Variants in ZNF596 observed in about 807,000 individuals in gnomAD.
ZNF596 encodes the protein zinc finger protein 596.
Under a neutral mutation model 48.3 loss-of-function variants are expected in ZNF596, and 45 were observed. That is an observed-to-expected ratio of 0.93 (90% confidence interval 0.73 to 1.19). The LOEUF (loss-of-function observed/expected upper bound fraction) is 1.19. Ranked by LOEUF, ZNF596 falls within the 50% of genes most tolerant of loss-of-function variation. The pLI is 0.00. For missense variants in ZNF596, 848 were observed against 599.7 expected, an observed-to-expected ratio of 1.41 and a Z score of -4.32; for synonymous variants, 270 against 202.0, an observed-to-expected ratio of 1.34 and a Z score of -2.85.
At chr8:232,744 T>C (rs1584895801) in intron 1 of ZNF596, 50 bp downstream of exon 1, 4 of 412,406 alleles carry the variant, frequency 9.7e-6, no homozygotes, top group Admixed American at 6.0e-5. Context: ...CCCTCGCCCC[T>C]CTTGGCCCCT....
rs565508961 is a variant in ZNF596 at position 243,306 on chromosome 8, G to A, written c.139+293G>A. The A allele has an allele frequency of 2.7e-5, 8 of 295,378 alleles. No individual in the cohort carries two copies. The East Asian group carries it at 4.4e-4, about 16-fold the overall frequency. The allele number at this position is 295,378 out of a possible 1,614,324, so 18.3% of individuals were successfully genotyped here. ...AAAGTTATGGTAATTCACTGCTTTG[G>A]TATGCATAAATAAATGTATTGATTT... On this transcript the variant is annotated intron_variant, in intron 3 of 5. Coordinates refer to ENST00000398612, the MANE Select transcript of ZNF596 (RefSeq NM_001042416.3).
chr8:240,761 C>T (rs1341274396), intron 1 of ZNF596, 63 bp from the exon 2 acceptor site: 3 of 1,085,590 alleles, frequency 2.8e-6, no homozygotes, highest in African/African-American at 3.1e-5. Context: ...AGCTTTGGGG[C>T]AGATGTTAGA....
At chr8:239,195 G>A (rs944931081) in intron 1 of ZNF596, among the ~76,000 whole-genome samples, 13 of 152,018 alleles carry the variant, frequency 8.6e-5, no homozygotes, top group African/African-American at 2.2e-4. Context: ...ACTCCTCCCC[G>A]CCCCCACTGC....
rs776015632 is a variant in ZNF596, at chr8:243,033, T to C, written c.139+20T>C. 6.2e-7 allele frequency: 1 copy of C among 1,600,946 alleles called. No individual in the cohort carries two copies. The highest frequency in any genetic ancestry group is 8.5e-7 in the Non-Finnish European group (1 of 1,170,786). ...CTATTGGTGAGTCTCTTTATATTTA[T>C]TATGTATGTATATACGGATTCATTC... On this transcript the variant is annotated intron_variant, in intron 3 of 5. Coordinates refer to ENST00000398612, the MANE Select transcript of ZNF596 (RefSeq NM_001042416.3).
Position 244,309 on chromosome 8 carries a change from A to G in ZNF596, c.224-310A>G, listed in dbSNP as rs182043469. 1.7e-4 allele frequency: 52 copies of G among 309,810 alleles called. 2 individuals carry two copies. The Admixed American group carries it at 1.9e-3, about 11-fold the overall frequency. The allele number at this position is 309,810 out of a possible 1,614,324, so 19.2% of individuals were successfully genotyped here. On this transcript the variant is annotated intron_variant, in intron 4 of 5. Transcript: ENST00000398612. ...ATTTTTATTCAAGTATCTCTCTGTC[A>G]TTGTCTTTGTCTTTTGTAAAGGGGA... is the stretch of plus-strand genomic sequence containing the variant.
chr8:235,396 C>T (rs1796578504), intron 1 of ZNF596, among the ~76,000 whole-genome samples: 1 of 151,866 alleles, frequency 6.6e-6, no homozygotes, highest in Non-Finnish European at 1.5e-5. Context: ...TAGCAAGATG[C>T]AGCCCACAAA....
intron 1 of ZNF596, among the ~76,000 whole-genome samples, chr8:236,712 G>C (rs999161998): frequency 6.6e-6 from 1 of 151,876 alleles, no homozygotes; most frequent in African/African-American, 2.4e-5. Flanking sequence ...TTCTAGTATG[G>C]AATTATCCTT....
rs753138989 is a variant in ZNF596, at chr8:245,867, T to G, written c.1020T>G (p.Cys340Trp). Reference sequence around the variant, plus strand: ...AGAAACCATATGAATGTCATCTATGTGGAAAAGCCTTCTCTCATTGTTCTC... The same window carrying G: ...AGAAACCATATGAATGTCATCTATGGGGAAAAGCCTTCTCTCATTGTTCTC... ...NGEKPYECHL[C>W]GKAFSHCSHL... The change falls in exon 6 of 6, where the codon TGT becomes TGG. Residue 340 changes from cysteine (C) to tryptophan (W), a missense_variant. Cys to Trp is a radical substitution (Grantham distance 215, BLOSUM62 -2). Transcript: ENST00000398612. 1.9e-6 allele frequency: 3 copies of G among 1,614,006 alleles called. No individual in the cohort carries two copies. The highest frequency in any genetic ancestry group is 2.5e-6 in the Non-Finnish European group (3 of 1,179,984).
intron 1 of ZNF596, chr8:237,606 G>A (rs1796671556): frequency 6.6e-6 from 1 of 152,058 alleles, no homozygotes; most frequent in African/African-American, 2.4e-5. Context: ...TAAATATACA[G>A]TTCATATTTA....
At chr8:245,094 G>T in intron 5 of ZNF596, 60 bp from the exon 6 acceptor site, 1 of 1,500,944 alleles carries the variant, frequency 6.7e-7, no homozygotes. Flanking sequence ...AGAAATGAAT[G>T]AAGTAATGAA....
chr8:241,984 CA>C (rs1796870864), intron 2 of ZNF596, among the ~76,000 whole-genome samples: 1 of 152,176 alleles, frequency 6.6e-6, no homozygotes, highest in Non-Finnish European at 1.5e-5. Context: ...ATGAGAACAG[CA>C]AGGGGGAAGT....
chr8:245,416 C>G lies in ZNF596; in HGVS notation c.569C>G (p.Thr190Ser). The change falls in exon 6 of 6, where the codon ACT becomes AGT. Residue 190 changes from threonine (T) to serine (S), a missense_variant. By Grantham distance (58) the Thr-to-Ser change is moderately conservative. Transcript: ENST00000398612. Reference protein sequence around the residue: ...SALRPHSVTHTREITLECRVC... With the variant: ...SALRPHSVTHSREITLECRVC... ...CTTAGACCACACAGTGTGACTCACA[C>G]TAGAGAGATAACATTGGAATGTCGT... 2.5e-6 allele frequency: 4 copies of G among 1,614,170 alleles called. No individual in the cohort carries two copies. Among genetic ancestry groups the G allele is most frequent in the Non-Finnish European group, 3.4e-6 (4 of 1,180,016 alleles).
Position 244,400 on chromosome 8 carries a change from A to G in ZNF596, c.224-219A>G, listed in dbSNP as rs1796976339. 3 of 547,216 alleles carry G rather than the reference A, an allele frequency of 5.5e-6. No homozygotes were observed. The South Asian group carries it at 7.0e-5, about 13-fold the overall frequency. 33.9% of individuals were successfully genotyped at this position (547,216 alleles called of 1,614,324 possible). A position where few individuals can be genotyped will look rare whatever the true frequency, so the allele number is the denominator to read the frequency against. ...CCTTTATAATGGTCCTCTTCTTTGA[A>G]AATTTTTCTTTCCTTCCTCGACTTG... On this transcript the variant is annotated intron_variant, in intron 4 of 5. Coordinates refer to ENST00000398612, the MANE Select transcript of ZNF596 (RefSeq NM_001042416.3).
intron 5 of ZNF596, 132 bp from the exon 6 acceptor site, chr8:245,022 G>A: frequency 3.5e-6 from 4 of 1,130,316 alleles, no homozygotes; most frequent in Non-Finnish European, 4.9e-6. Context: ...TTGTATAACT[G>A]ATATAGGAAC....
Position 245,190 on chromosome 8 carries a change from G to T in ZNF596, c.343G>T (p.Asp115Tyr), listed in dbSNP as rs747920570. 1.2e-6 allele frequency: 2 copies of T among 1,606,934 alleles called. No individual in the cohort carries two copies. Among genetic ancestry groups the T allele is most frequent in the South Asian group, 2.2e-5 (2 of 90,092 alleles). ...HTQEDPFLCN[D>Y]LGEDFTQHIA... The stretch of plus-strand genomic sequence containing the variant: ...TCAAGAGGATCCTTTTCTATGCAAT[G>T]ACTTAGGAGAAGATTTCACTCAACA... Residue 115 changes from aspartate (D) to tyrosine (Y), a missense_variant, in exon 6 of 6, where the codon GAC becomes TAC. Transcript: ENST00000398612.
intron 1 of ZNF596, among the ~76,000 whole-genome samples, chr8:238,926 G>C (rs1796738402): frequency 6.6e-6 from 1 of 152,084 alleles, no homozygotes; most frequent in Non-Finnish European, 1.5e-5. Context: ...TCTGGAAAAG[G>C]ATACATGAAC....
intron 2 of ZNF596, among the ~76,000 whole-genome samples, chr8:241,917 CA>C (rs1796868794): frequency 6.6e-6 from 1 of 151,992 alleles, no homozygotes; most frequent in Non-Finnish European, 1.5e-5. Context: ...GGAGAGAGAC[CA>C]AATCAGGAAA....
chr8:245,480 G>A lies in ZNF596; in HGVS notation c.633G>A (p.Arg211=), dbSNP rs1797031308. Reference sequence around the variant, plus strand: ...CCTTTAGCAAAAATTCTAATCTTAGGCGACATGAGATGATTCACACTGGAG... The same window carrying A: ...CCTTTAGCAAAAATTCTAATCTTAGACGACATGAGATGATTCACACTGGAG... ...GKTFSKNSNL[R]RHEMIHTGEK... The change falls in exon 6 of 6, where the codon AGG becomes AGA. Residue 211 remains arginine, a synonymous_variant. Coordinates refer to ENST00000398612, the MANE Select transcript of ZNF596 (RefSeq NM_001042416.3). The A allele has an allele frequency of 6.2e-7, 1 of 1,614,020 alleles. No homozygotes were observed. Among genetic ancestry groups the A allele is most frequent in the Non-Finnish European group, 8.5e-7 (1 of 1,180,026 alleles).
intron 4 of ZNF596, chr8:244,213 G>T: frequency 4.6e-6 from 1 of 217,444 alleles, no homozygotes; most frequent in Non-Finnish European, 9.0e-6. Flanking sequence ...AATTTGCAGT[G>T]TTTCTGAAAT....
Sources: allele counts gnomAD v4.1 joint callset (sites outside exome capture counted in the v4.1 genomes callset), GRCh38; gene constraint gnomAD v4.1.1; transcripts MANE v1.5; gene names NCBI Gene and HGNC (gene_info 2026-07-23, HGNC 2026-07-21).